PRKRA: variants seen among roughly 807,000 people sequenced by gnomAD.
The protein encoded by PRKRA is protein activator of interferon induced protein kinase EIF2AK2.
A neutral mutation model predicts 32.4 loss-of-function variants in PRKRA; 22 were observed. The ratio of observed to expected loss-of-function variants is 0.68; its 90% CI spans 0.49 to 0.97. The LOEUF (loss-of-function observed/expected upper bound fraction) is 0.97, where lower values mean the gene tolerates loss of function less well. Ranked by LOEUF, PRKRA falls within the 50% of genes least tolerant of loss-of-function variation. PRKRA has a pLI of 0.00. For synonymous variants in PRKRA, 139 were observed against 129.8 expected (o/e 1.07, Z -0.48); for missense variants, 319 against 375.6 (o/e 0.85, Z 1.25).
chr2:178,446,988 G>A (rs982994474), intron 3 of PRKRA, among the ~76,000 whole-genome samples: 20 of 91,560 alleles, frequency 2.2e-4, no homozygotes, highest in South Asian at 7.6e-4. Flanking sequence ...GCGAGACTCC[G>A]TCTCAAAAAA....
intron 2 of PRKRA, among the ~76,000 whole-genome samples, chr2:178,448,455 T>C (rs1241424814): frequency 1.3e-5 from 2 of 152,176 alleles, no homozygotes; most frequent in Non-Finnish European, 2.9e-5. Context: ...TGTGGGATTT[T>C]TGTCTGTTAA....
intron 2 of PRKRA, 90 bp downstream of exon 2, chr2:178,450,152 G>A (rs1371106230): frequency 3.2e-6 from 4 of 1,263,848 alleles, no homozygotes; most frequent in Non-Finnish European, 3.2e-6. Context: ...ACAGCTGTCT[G>A]GCAAAAAGAG....
rs1207566221 is a variant in PRKRA, at chr2:178,450,992, C to T, written c.39G>A (p.Leu13=). 6.4e-7 allele frequency: 1 copy of T among 1,563,746 alleles called. No homozygotes were observed. Among genetic ancestry groups the T allele is most frequent in the Non-Finnish European group, 8.6e-7 (1 of 1,159,508 alleles). Residue 13 remains leucine, a synonymous_variant, in exon 1 of 8, where the codon CTG becomes CTA. Transcript: ENST00000325748. ...QSRHRAEAPP[L]EREDSGTFSL... Reference sequence around the variant, plus strand: ...TGAAGGTCCCACTGTCCTCGCGCTCCAGCGGCGGGGCCTCGGCGCGGTGCC... The same window carrying T: ...TGAAGGTCCCACTGTCCTCGCGCTCTAGCGGCGGGGCCTCGGCGCGGTGCC...
At chr2:178,450,074 G>C in intron 2 of PRKRA, 168 bp downstream of exon 2, 4 of 883,980 alleles carry the variant, frequency 4.5e-6, no homozygotes, top group Non-Finnish European at 5.6e-6. Flanking sequence ...ATTAGGAAGA[G>C]AATCAGATGC....
Position 178,450,316 on chromosome 2 carries a change from C to T in PRKRA, c.161G>A (p.Cys54Tyr), listed in dbSNP as rs768718101. 1.2e-6 allele frequency: 2 copies of T among 1,614,272 alleles called. No homozygotes were observed. Among genetic ancestry groups the T allele is most frequent in the Non-Finnish European group, 1.7e-6 (2 of 1,180,040 alleles). The part of the protein sequence containing the change: ...MKTKNIPVYE[C>Y]ERSDVQIHVP... The stretch of plus-strand genomic sequence containing the variant: ...GTGTATTTGCACATCAGATCTTTCA[C>T]ATTCATAAACTGGGATGTTCTTGGT... The change falls in exon 2 of 8, where the codon TGT (cysteine) becomes TAT (tyrosine). Residue 54 changes from cysteine to tyrosine, a missense_variant. Transcript: ENST00000325748.
chr2:178,450,760 G>A, intron 1 of PRKRA: 1 of 1,345,724 alleles, frequency 7.4e-7, no homozygotes, highest in Non-Finnish European at 9.5e-7. Context: ...CGCCCCGCGC[G>A]CCGCCAGGGA....
intron 1 of PRKRA, chr2:178,450,705 C>A: frequency 7.1e-7 from 1 of 1,399,810 alleles, no homozygotes; most frequent in South Asian, 1.7e-5. Context: ...CAGGGAAAAC[C>A]TGACGATCCC....
In PRKRA at chr2:178,431,985, A is replaced by C; in HGVS notation, c.*112T>G. On this transcript the variant is annotated 3_prime_UTR_variant, in exon 8 of 8. Coordinates refer to ENST00000325748, the MANE Select transcript of PRKRA (RefSeq NM_003690.5). The stretch of plus-strand genomic sequence containing the variant: ...TAAATCTGGAGTGTTGATGGAATCT[A>C]TGAAGAGATTTAGAAACAAGACATA... 1 of 1,252,562 alleles carries C rather than the reference A, an allele frequency of 8.0e-7. No individual in the cohort carries two copies. The highest frequency in any genetic ancestry group is 1.1e-6 in the Non-Finnish European group (1 of 878,654). 77.6% of individuals were successfully genotyped at this position (1,252,562 alleles called of 1,614,324 possible). A position where few individuals can be genotyped will look rare whatever the true frequency, so the allele number is the denominator to read the frequency against.
rs765915743 is a variant in PRKRA at position 178,441,652 on chromosome 2, A to G, written c.567T>C (p.Leu189=). 1 of 1,612,026 alleles carries G rather than the reference A, an allele frequency of 6.2e-7. No homozygotes were observed. The highest frequency in any genetic ancestry group is 2.2e-5 in the East Asian group (1 of 44,852). ...QAKRNAAEKF[L]AKFSNISPEN... is the part of the protein sequence containing the mutation. ...CTGGAGAAATATTACTAAATTTGGC[A>G]AGAAATTTCTCAGCAGCATTCCTTT... is the stretch of plus-strand genomic sequence containing the variant. The change falls in exon 6 of 8, where the codon CTT becomes CTC. Residue 189 remains leucine (L), a synonymous_variant. Transcript: ENST00000325748.
chr2:178,450,878 A>G (rs1697588770), intron 1 of PRKRA, 88 bp downstream of exon 1: 2 of 1,496,984 alleles, frequency 1.3e-6, no homozygotes, highest in Non-Finnish European at 1.8e-6. Context: ...GGCTTTACCC[A>G]GAATGCCTCT....
At chr2:178,433,732 C>T (rs1372822122) in intron 7 of PRKRA, 1 of 152,178 alleles carries the variant, frequency 6.6e-6, no homozygotes, top group Admixed American at 6.5e-5. Context: ...CAGCGATGCT[C>T]ATGCCTCAGT....
intron 1 of PRKRA, 199 bp from the exon 2 acceptor site, chr2:178,450,610 T>C (rs1368359172): frequency 6.8e-7 from 1 of 1,470,598 alleles, no homozygotes; most frequent in African/African-American, 1.4e-5. Flanking sequence ...GCAGGCGGGG[T>C]GAGCGAGGTC....
intron 6 of PRKRA, among the ~76,000 whole-genome samples, chr2:178,437,280 A>G (rs990655072): frequency 1.3e-5 from 2 of 152,210 alleles, no homozygotes; most frequent in African/African-American, 2.4e-5. Context: ...TGAAGAGTAC[A>G]GTCTCTTTTC....
At chr2:178,433,854 ATTAACAGACTGTGG>A (rs1353860566) in intron 7 of PRKRA, 5 of 152,190 alleles carry the variant, frequency 3.3e-5, no homozygotes, top group Non-Finnish European at 7.3e-5. Context: ...AACTAGCCAA[ATTAACAGACTGTGG>A]TTTTTAGATG....
rs1175221285 is a variant in PRKRA, at chr2:178,438,681, G to GTTT, written c.610-2365_610-2363dup. On this transcript the variant is annotated intron_variant, in intron 6 of 7. Transcript: ENST00000325748. ...CAAGGTCCAAAATGAACGCTGGTAG[G>GTTT]TTTTTTTTTTTTTCGAGTTGGGGTC... 6.7e-3 allele frequency among the ~76,000 whole-genome samples: 964 copies of GTTT among 143,650 alleles called. 15 individuals are homozygous for GTTT. Among genetic ancestry groups the GTTT allele is most frequent in the African/African-American group, 0.023 (916 of 39,384 alleles). 94.2% of individuals were successfully genotyped at this position (143,650 alleles called of 152,430 possible). A position where few individuals can be genotyped will look rare whatever the true frequency, so the allele number is the denominator to read the frequency against.
chr2:178,438,590 T>C (rs1696994523), intron 6 of PRKRA, among the ~76,000 whole-genome samples: 1 of 152,218 alleles, frequency 6.6e-6, no homozygotes, highest in South Asian at 2.1e-4. Flanking sequence ...CTCCCAACTC[T>C]TCCTTTTCAG....
At position 178,450,408 on chromosome 2, in the gene PRKRA, C is replaced by A; in HGVS notation, c.69G>T (p.Leu23Phe). ...CTGGCTTAGCTGTTATCATCTTCCC[C>A]AAACTGCAAAAACCACAAAAAGGTG... ...LEREDSGTFSLGKMITAKPGK... is the reference protein window; with the variant it reads ...LEREDSGTFSFGKMITAKPGK... The change falls in exon 2 of 8, where the codon TTG becomes TTT. Residue 23 changes from leucine (L) to phenylalanine (F), a missense_variant. Transcript: ENST00000325748. 6.2e-7 allele frequency: 1 copy of A among 1,614,254 alleles called. No individual in the cohort carries two copies. Among genetic ancestry groups the A allele is most frequent in the Non-Finnish European group, 8.5e-7 (1 of 1,180,058 alleles).
At position 178,437,190 on chromosome 2, in the gene PRKRA, A is replaced by C. The variant is rs550737298; in HGVS notation, c.610-871T>G. 1.4e-4 allele frequency among the ~76,000 whole-genome samples: 22 copies of C among 152,340 alleles called. 1 individual carries two copies. The East Asian group carries it at 4.2e-3, about 29-fold the overall frequency. On this transcript the variant is annotated intron_variant, in intron 6 of 7. Transcript: ENST00000325748. ...TACCAAATAAAAATTTACATTATAG[A>C]AACTTTAAAATACTGTTTTTAAATA...
intron 7 of PRKRA, among the ~76,000 whole-genome samples, chr2:178,434,424 C>CTT (rs561589631): frequency 7.2e-5 from 10 of 138,050 alleles, no homozygotes; most frequent in Admixed American, 6.5e-4. Flanking sequence ...AGCCTCTTTT[C>CTT]TTTTTTTTTT....
Sources: allele counts gnomAD v4.1 joint callset (sites outside exome capture counted in the v4.1 genomes callset), GRCh38; gene constraint gnomAD v4.1.1; transcripts MANE v1.5; gene names NCBI Gene and HGNC (gene_info 2026-07-23, HGNC 2026-07-21).